APOLD1: variants seen among roughly 807,000 people sequenced by gnomAD.
APOLD1 encodes the protein apolipoprotein L domain-containing protein 1.
In APOLD1, 22 loss-of-function variants were observed where a neutral mutation model predicts 15.3. That is an observed-to-expected ratio of 1.44 (90% CI 1.03 to 2.05). The LOEUF is 2.05. APOLD1 is among the 30% of genes most tolerant of loss of function. The pLI, the probability that APOLD1 is intolerant of heterozygous loss-of-function variation, is 0.00. For synonymous variants in APOLD1, 190 were observed against 167.4 expected (o/e 1.13, Z -1.04); for missense variants, 394 against 353.5 (o/e 1.11, Z -0.92).
chr12:12,787,486 T>G lies in APOLD1; in HGVS notation c.581T>G (p.Val194Gly), dbSNP rs929203655. 4 of 1,614,164 alleles carry G rather than the reference T, an allele frequency of 2.5e-6. No homozygotes were observed. Among genetic ancestry groups the G allele is most frequent in the Non-Finnish European group, 1.7e-6 (2 of 1,180,030 alleles). ...AEGDTKVSQA[V>G]LKAKIQKLAE... is the part of the protein sequence containing the mutation. The stretch of plus-strand genomic sequence containing the variant: ...GGGGACACCAAGGTTAGCCAGGCCG[T>G]GCTGAAGGCCAAGATTCAGAAACTG... The change falls in exon 2 of 2, where the codon GTG (valine) becomes GGG (glycine). Residue 194 changes from valine to glycine, a missense_variant. Physicochemically the swap from Val to Gly is moderately radical, Grantham distance 109. Transcript: ENST00000356591. The surrounding 1 kb of genome is among the most constrained non-coding windows in gnomAD (Gnocchi z 4.9).
chr12:12,787,108 T>A lies in APOLD1; in HGVS notation c.203T>A (p.Leu68His). The change falls in exon 2 of 2, where the codon CTC (leucine) becomes CAC (histidine). Residue 68 changes from leucine to histidine, a missense_variant. Coordinates refer to ENST00000356591, the MANE Select transcript of APOLD1 (RefSeq NM_030817.3). The surrounding 1 kb of genome is among the most constrained non-coding windows in gnomAD (Gnocchi z 4.9). ...AGCTCGCTGAGCGCAACGGGCGCCCTCGCCGCCATCGTGGGGCTCTCGCTC... is the reference window on the plus strand; with the variant it reads ...AGCTCGCTGAGCGCAACGGGCGCCCACGCCGCCATCGTGGGGCTCTCGCTC... ...AGSSLSATGA[L>H]AAIVGLSLSP... is the part of the protein sequence containing the mutation. 1 of 1,420,880 alleles carries A rather than the reference T, an allele frequency of 7.0e-7. No homozygotes were observed. The highest frequency in any genetic ancestry group is 9.1e-7 in the Non-Finnish European group (1 of 1,098,324). The allele number at this position is 1,420,880 out of a possible 1,614,324, so 88.0% of individuals were successfully genotyped here.
intron 1 of APOLD1, among the ~76,000 whole-genome samples, chr12:12,779,338 T>C (rs1476399623): frequency 6.6e-6 from 1 of 152,212 alleles, no homozygotes; most frequent in Non-Finnish European, 1.5e-5. Context: ...GCAGGGACTA[T>C]ATCTTATTTA....
chr12:12,753,664 C>A (rs1036282107), intron 1 of APOLD1, among the ~76,000 whole-genome samples: 2 of 151,876 alleles, frequency 1.3e-5, no homozygotes, highest in African/African-American at 4.8e-5. Flanking sequence ...CAGAGTGAAA[C>A]CCTGCCTCAA....
At chr12:12,746,966 CATG>C (rs1946771494) in intron 1 of APOLD1, among the ~76,000 whole-genome samples, 2 of 152,182 alleles carry the variant, frequency 1.3e-5, no homozygotes, top group South Asian at 2.1e-4. Flanking sequence ...CTGCAAATGA[CATG>C]ATTTCATTCT....
At chr12:12,785,524 C>T (rs7297637), upstream of APOLD1, 5,858 of 1,130,240 alleles carry the variant, frequency 5.2e-3, 218 homozygotes, top group African/African-American at 0.081. Flanking sequence ...CATTTTCCAC[C>T]ATGTCACGTC....
At position 12,741,566 on chromosome 12, in the gene APOLD1, A is replaced by C. The variant is rs540276082; in HGVS notation, c.96+15470A>C. Among the ~76,000 whole-genome samples the C allele has an allele frequency of 3.3e-5, 5 of 152,290 alleles. No homozygotes were observed. In the East Asian group the frequency reaches 9.6e-4, roughly 29 times the overall value. On this transcript the variant is annotated intron_variant, in intron 1 of 1. Coordinates refer to the APOLD1 transcript ENST00000326765. ...TTGTCTACAGTTTATAGTGTGAAAA[A>C]GTATAAAAAATGATTCCCAATTTTA... is the stretch of plus-strand genomic sequence containing the variant.
chr12:12,785,463 C>A, upstream of APOLD1: 1 of 611,182 alleles, frequency 1.6e-6, no homozygotes, highest in South Asian at 2.1e-5. Flanking sequence ...CAGGGGAAAG[C>A]GAACACACAA....
At chr12:12,774,151 G>T (rs1947009954) in intron 1 of APOLD1, among the ~76,000 whole-genome samples, 1 of 152,098 alleles carries the variant, frequency 6.6e-6, no homozygotes, top group Non-Finnish European at 1.5e-5. Context: ...TGAATGAAAA[G>T]GCAAGCCACA....
rs1403212642 is a variant in APOLD1, at chr12:12,791,071, G to A, written c.*3419G>A. 1 of 152,180 alleles carries A rather than the reference G, an allele frequency of 6.6e-6. No individual in the cohort carries two copies. Among genetic ancestry groups the A allele is most frequent in the African/African-American group, 2.4e-5 (1 of 41,442 alleles). 9.4% of individuals were successfully genotyped at this position (152,180 alleles called of 1,614,324 possible). A position where few individuals can be genotyped will look rare whatever the true frequency, so the allele number is the denominator to read the frequency against. On this transcript the variant is annotated 3_prime_UTR_variant, in exon 2 of 2. Coordinates refer to ENST00000356591, the MANE Select transcript of APOLD1 (RefSeq NM_030817.3). ...TTGAATTGTTCTGTTTCACAATAAA[G>A]GAGATTCACTGGGTTCTGCATTTTC...
At chr12:12,782,405 C>A (rs923090561), upstream of APOLD1, among the ~76,000 whole-genome samples, 98 of 152,310 alleles carry the variant, frequency 6.4e-4, no homozygotes, top group African/African-American at 2.2e-3. Flanking sequence ...AGGGCTGGGG[C>A]CTGAAGATTC....
chr12:12,762,545 G>T (rs150079416), intron 1 of APOLD1, among the ~76,000 whole-genome samples: 1 of 151,820 alleles, frequency 6.6e-6, no homozygotes, highest in Non-Finnish European at 1.5e-5. Flanking sequence ...AGTAGAGATG[G>T]GGTTTCACCA....
intron 1 of APOLD1, among the ~76,000 whole-genome samples, chr12:12,745,132 T>C (rs1946755966): frequency 6.6e-6 from 1 of 152,202 alleles, no homozygotes; most frequent in East Asian, 1.9e-4. Context: ...CTAGAGGGCC[T>C]TTGTTGAATT....
At chr12:12,777,907 TTTTTTTTTTTTTTTTTTTG>T (rs1947049000) in intron 1 of APOLD1, among the ~76,000 whole-genome samples, 1 of 30,256 alleles carries the variant, frequency 3.3e-5, no homozygotes, top group African/African-American at 8.1e-5. Context: ...TTTTTTTTTT[TTTTTTTTTTTTTTTTTTTG>T]TTGTTGTTGT....
At chr12:12,743,752 T>A (rs1461372006) in intron 1 of APOLD1, among the ~76,000 whole-genome samples, 1 of 152,196 alleles carries the variant, frequency 6.6e-6, no homozygotes, top group East Asian at 1.9e-4. Context: ...GTGGACCCAA[T>A]GTAATCACAA....
At chr12:12,728,698 G>GAA (rs1946614248) in intron 1 of APOLD1, among the ~76,000 whole-genome samples, 1 of 139,142 alleles carries the variant, frequency 7.2e-6, no homozygotes, top group South Asian at 2.3e-4. Flanking sequence ...AAAAGAGAGA[G>GAA]AAAGAAAAGA....
At chr12:12,743,577 T>G (rs1014165170) in intron 1 of APOLD1, among the ~76,000 whole-genome samples, 1 of 152,284 alleles carries the variant, frequency 6.6e-6, no homozygotes, top group Non-Finnish European at 1.5e-5. Context: ...CACTTCTCAC[T>G]CTGTGGGAGG....
intron 1 of APOLD1, among the ~76,000 whole-genome samples, chr12:12,776,247 T>C (rs964924636): frequency 6.6e-6 from 1 of 152,134 alleles, no homozygotes; most frequent in Non-Finnish European, 1.5e-5. Flanking sequence ...ACCATTCAAA[T>C]AGTCTAAAAG....
At chr12:12,783,777 G>A (rs1947104237), upstream of APOLD1, among the ~76,000 whole-genome samples, 1 of 151,760 alleles carries the variant, frequency 6.6e-6, no homozygotes, top group African/African-American at 2.4e-5. Context: ...AGGACTACAG[G>A]TGTGAGTCAC....
intron 1 of APOLD1, among the ~76,000 whole-genome samples, chr12:12,760,490 T>C (rs1946889798): frequency 6.6e-6 from 1 of 151,598 alleles, no homozygotes; most frequent in Non-Finnish European, 1.5e-5. Context: ...ATACAAAAAA[T>C]TAGCCGGGCG....
Sources: allele counts gnomAD v4.1 joint callset (sites outside exome capture counted in the v4.1 genomes callset), GRCh38; gene constraint gnomAD v4.1.1; non-coding constraint Gnocchi (gnomAD v3.1); transcripts MANE v1.5; gene names NCBI Gene and HGNC (gene_info 2026-07-23, HGNC 2026-07-21).